The following CASD1 variants were observed in gnomAD, a reference collection of about 807,000 sequenced individuals.
CASD1 encodes the protein N-acetylneuraminate (7)9-O-acetyltransferase.
In CASD1, 41 loss-of-function variants were observed where a neutral mutation model predicts 100.0. That is an observed-to-expected ratio of 0.41 (90% CI 0.32 to 0.53). CASD1 has a LOEUF of 0.53. Among genes scored for constraint, CASD1 ranks in the 20% least tolerant of loss-of-function variants. The pLI, the probability that CASD1 is intolerant of heterozygous loss-of-function variation, is 0.25. For missense variants in CASD1, 774 were observed against 948.7 expected (o/e 0.82, Z 2.42); for synonymous variants, 321 against 315.6 (o/e 1.02, Z -0.18).
chr7:94,592,978 G>A, the CASD1 span, among the ~76,000 whole-genome samples: 1 of 151,954 alleles, frequency 6.6e-6, no homozygotes, highest in African/African-American at 2.4e-5. Flanking sequence ...AAATATTCTT[G>A]GCTGCCTGAT....
chr7:94,620,829 C>CAGCT, the CASD1 span: 1 of 152,224 alleles, frequency 6.6e-6, no homozygotes, highest in South Asian at 2.1e-4. Flanking sequence ...TTGAGCTGGG[C>CAGCT]AGCTGCCTGC....
intron 16 of CASD1, chr7:94,553,176 AT>A: frequency 4.4e-6 from 2 of 452,408 alleles, no homozygotes; most frequent in South Asian, 3.4e-5. Flanking sequence ...ACTATTAATT[AT>A]TTACAATGTT....
At chr7:94,632,704 T>C in the CASD1 span, among the ~76,000 whole-genome samples, 1 of 152,062 alleles carries the variant, frequency 6.6e-6, no homozygotes, top group Non-Finnish European at 1.5e-5. Flanking sequence ...TTTAGAGGAG[T>C]GCCCTTTGCC....
At chr7:94,577,614 A>G in the CASD1 span, among the ~76,000 whole-genome samples, 6 of 152,152 alleles carry the variant, frequency 3.9e-5, no homozygotes. Context: ...CTACACATTC[A>G]TGTGTAGATT....
the CASD1 span, among the ~76,000 whole-genome samples, chr7:94,631,924 A>G: frequency 6.6e-6 from 1 of 152,066 alleles, no homozygotes; most frequent in South Asian, 2.1e-4. Flanking sequence ...ACCTTGAAGT[A>G]CAGCACTAAG....
At chr7:94,551,244 C>G (rs984057394) in intron 14 of CASD1, 94 bp from the exon 15 acceptor site, 16 of 954,302 alleles carry the variant, frequency 1.7e-5, no homozygotes, top group Admixed American at 1.7e-4. Context: ...TTTAACCTAC[C>G]TACTTTTATT....
chr7:94,617,536 T>C, the CASD1 span: 1 of 152,198 alleles, frequency 6.6e-6, no homozygotes, highest in African/African-American at 2.4e-5. Flanking sequence ...ACGGTTCTGC[T>C]TTAATTACTT....
chr7:94,526,718 G>A (rs922909357), intron 3 of CASD1, among the ~76,000 whole-genome samples: 9 of 152,148 alleles, frequency 5.9e-5, no homozygotes, highest in African/African-American at 1.2e-4. Flanking sequence ...GCTTGAGCCC[G>A]GGAGGCGGAG....
chr7:94,541,252 C>T (rs1795377813), intron 10 of CASD1, among the ~76,000 whole-genome samples: 1 of 151,812 alleles, frequency 6.6e-6, no homozygotes, highest in South Asian at 2.1e-4. Flanking sequence ...TGAGGGATTA[C>T]TCGTACTAAA....
At chr7:94,606,679 T>C in the CASD1 span, among the ~76,000 whole-genome samples, 4 of 152,196 alleles carry the variant, frequency 2.6e-5, no homozygotes, top group Non-Finnish European at 4.4e-5. Context: ...TACACATTCT[T>C]CTTAAGTACA....
At chr7:94,563,057 A>T in the CASD1 span, among the ~76,000 whole-genome samples, 1 of 152,156 alleles carries the variant, frequency 6.6e-6, no homozygotes, top group Non-Finnish European at 1.5e-5. Context: ...CCTATCTTAC[A>T]TACAAAGGCC....
the CASD1 span, among the ~76,000 whole-genome samples, chr7:94,566,678 A>G: frequency 6.6e-6 from 1 of 152,198 alleles, no homozygotes; most frequent in Admixed American, 6.5e-5. Flanking sequence ...TAGGCATTCT[A>G]ATGGAAGCTT....
At chr7:94,621,416 C>G in the CASD1 span, 1 of 152,256 alleles carries the variant, frequency 6.6e-6, no homozygotes, top group Non-Finnish European at 1.5e-5. Flanking sequence ...AGACAAAGAG[C>G]CCTGCTGCCA....
At chr7:94,557,456 T>TC (rs1230232129), downstream of CASD1, among the ~76,000 whole-genome samples, 1 of 152,100 alleles carries the variant, frequency 6.6e-6, no homozygotes, top group Non-Finnish European at 1.5e-5. Flanking sequence ...ATCAAAAACT[T>TC]CCAAGTACTG....
At chr7:94,626,965 T>C in the CASD1 span, 2 of 152,056 alleles carry the variant, frequency 1.3e-5, no homozygotes, top group Non-Finnish European at 2.9e-5. Flanking sequence ...TTTTTCCTTC[T>C]TTAATCTAAT....
At chr7:94,566,122 A>C in the CASD1 span, among the ~76,000 whole-genome samples, 1 of 152,306 alleles carries the variant, frequency 6.6e-6, no homozygotes, top group East Asian at 1.9e-4. Flanking sequence ...GCTGAGCAGC[A>C]TATTTTCATG....
the CASD1 span, among the ~76,000 whole-genome samples, chr7:94,609,348 G>A: frequency 2.6e-5 from 4 of 152,176 alleles, no homozygotes; most frequent in South Asian, 2.1e-4. Context: ...CCAAAATGGC[G>A]AAACCCCATC....
chr7:94,541,910 A>C (rs1177374439), intron 10 of CASD1, among the ~76,000 whole-genome samples: 2 of 152,106 alleles, frequency 1.3e-5, no homozygotes, highest in Non-Finnish European at 2.9e-5. Flanking sequence ...CATACTTTTA[A>C]AAGGTCCAGC....
the CASD1 span, among the ~76,000 whole-genome samples, chr7:94,579,320 A>C: frequency 6.6e-6 from 1 of 152,020 alleles, no homozygotes; most frequent in Admixed American, 6.6e-5. Flanking sequence ...AGGCACATGC[A>C]TGGACTCCCA....
Sources: gnomAD v4.1 joint callset for allele counts (sites outside exome capture counted in the v4.1 genomes callset) on GRCh38, gnomAD v4.1.1 for gene constraint, MANE v1.5 for transcripts, NCBI Gene and HGNC (gene_info 2026-07-23, HGNC 2026-07-21) for gene names.